Variants in FRMD4A observed in about 807,000 individuals in gnomAD.
FRMD4A encodes the protein FERM domain-containing protein 4A.
Under a neutral mutation model 129.1 loss-of-function variants are expected in FRMD4A, and 29 were observed. That is an observed-to-expected ratio of 0.22 (90% CI 0.17 to 0.31). FRMD4A has a LOEUF of 0.31. FRMD4A is among the 10% of genes least tolerant of loss of function. The pLI is 1.00. For missense variants in FRMD4A, 1,272 were observed against 1,375.8 expected, an observed-to-expected ratio of 0.92 and a Z score of 1.19; for synonymous variants, 634 against 571.6, an observed-to-expected ratio of 1.11 and a Z score of -1.56.
At chr10:13,685,659 C>A (rs754975860) in intron 15 of FRMD4A, 20 of 983,868 alleles carry the variant, frequency 2.0e-5, no homozygotes, top group Non-Finnish European at 2.3e-5. Context: ...ATAGTTATAT[C>A]TCTTTTTAGT....
At chr10:13,978,682 T>C (rs1016178761) in intron 2 of FRMD4A, among the ~76,000 whole-genome samples, 6 of 152,216 alleles carry the variant, frequency 3.9e-5, no homozygotes, top group South Asian at 2.1e-4. Context: ...AGAGTCATCA[T>C]GGCATCATCG....
intron 2 of FRMD4A, among the ~76,000 whole-genome samples, chr10:13,942,797 G>C (rs1444100866): frequency 6.6e-6 from 1 of 152,126 alleles, no homozygotes; most frequent in African/African-American, 2.4e-5. Context: ...GCTGGGCGTG[G>C]TGGCGCGCGT....
At chr10:14,197,467 T>A (rs1249898416) in intron 2 of FRMD4A, among the ~76,000 whole-genome samples, 1 of 152,126 alleles carries the variant, frequency 6.6e-6, no homozygotes, top group East Asian at 1.9e-4. Context: ...TTCAAGCAAT[T>A]CTCCTGCCTC....
intron 2 of FRMD4A, among the ~76,000 whole-genome samples, chr10:13,999,289 A>C (rs1447707854): frequency 6.6e-6 from 1 of 152,166 alleles, no homozygotes; most frequent in Non-Finnish European, 1.5e-5. Flanking sequence ...AATTCACGAA[A>C]GCGCAGACTT....
intron 3 of FRMD4A, among the ~76,000 whole-genome samples, chr10:13,817,908 G>A (rs2093570365): frequency 6.6e-6 from 1 of 152,142 alleles, no homozygotes; most frequent in Admixed American, 6.5e-5. Flanking sequence ...GTAGCACCCA[G>A]GCACCTCACC....
At position 13,880,979 on chromosome 10, in the gene FRMD4A, T is replaced by C. The variant is rs536469381; in HGVS notation, c.46-22067A>G. 5.6e-4 allele frequency among the ~76,000 whole-genome samples: 85 copies of C among 152,200 alleles called. 1 individual carries two copies. Among genetic ancestry groups the C allele is most frequent in the Admixed American group, 1.8e-3 (27 of 15,294 alleles). On this transcript the variant is annotated intron_variant, in intron 2 of 24. Coordinates refer to ENST00000357447, the MANE Select transcript of FRMD4A (RefSeq NM_018027.5). ...TGGTTGGTTTTTCTCACTGCCACAT[T>C]CCTGGAATGTTCAAGGCATACCAAT...
chr10:13,853,523 C>T lies in FRMD4A; in HGVS notation c.111+5324G>A, dbSNP rs193231474. ...ACTGCACCACAGCTGGTTGATAGAG[C>T]GAGACCCTGCCTGAAAAAAAAGTGG... On this transcript the variant is annotated intron_variant, in intron 3 of 24. Transcript: ENST00000357447. Among the ~76,000 whole-genome samples the T allele has an allele frequency of 1.3e-4, 19 of 151,842 alleles. No individual in the cohort carries two copies. In the East Asian group the frequency reaches 3.5e-3, roughly 28 times the overall value.
intron 2 of FRMD4A, among the ~76,000 whole-genome samples, chr10:13,954,702 C>T (rs2095397788): frequency 6.6e-6 from 1 of 152,194 alleles, no homozygotes; most frequent in Admixed American, 6.5e-5. Context: ...TGCTCTGTGG[C>T]TGGCAGCCTG....
intron 2 of FRMD4A, among the ~76,000 whole-genome samples, chr10:14,195,850 GTC>G (rs948367421): frequency 1.3e-5 from 2 of 152,188 alleles, no homozygotes; most frequent in African/African-American, 4.8e-5. Flanking sequence ...CCTGTTGTAT[GTC>G]CTGTCACAGT....
intron 2 of FRMD4A, among the ~76,000 whole-genome samples, chr10:13,928,233 G>T (rs933896119): frequency 2.7e-4 from 41 of 151,848 alleles, no homozygotes; most frequent in African/African-American, 9.9e-4. Context: ...CGTTGCCTAG[G>T]CTCGTCTCCA....
At chr10:14,133,381 A>T (rs936011732) in intron 2 of FRMD4A, among the ~76,000 whole-genome samples, 9 of 152,248 alleles carry the variant, frequency 5.9e-5, no homozygotes, top group African/African-American at 9.6e-5. Flanking sequence ...TTACTTTTAC[A>T]CCAACCTAAT....
chr10:14,058,159 T>C (rs1299450086), intron 2 of FRMD4A, among the ~76,000 whole-genome samples: 3 of 152,132 alleles, frequency 2.0e-5, no homozygotes, highest in Non-Finnish European at 4.4e-5. Flanking sequence ...AAGGAGGTGA[T>C]AGTCCCCAAA....
chr10:14,106,403 C>A (rs535626959), intron 2 of FRMD4A, among the ~76,000 whole-genome samples: 1 of 152,250 alleles, frequency 6.6e-6, no homozygotes, highest in South Asian at 2.1e-4. Flanking sequence ...GTATCTAGAT[C>A]CATCACTGGT....
At chr10:14,087,782 C>A (rs1362592091) in intron 2 of FRMD4A, among the ~76,000 whole-genome samples, 1 of 149,944 alleles carries the variant, frequency 6.7e-6, no homozygotes. Flanking sequence ...ATTTCAACAG[C>A]CTGTCGGCAG....
chr10:14,311,140 CGCCA>C (rs1564456779), intron 2 of FRMD4A, among the ~76,000 whole-genome samples: 1 of 152,114 alleles, frequency 6.6e-6, no homozygotes, highest in African/African-American at 2.4e-5. Flanking sequence ...GCCACCAGTG[CGCCA>C]GCAACAGAGC....
At chr10:14,094,248 A>G (rs975739287) in intron 2 of FRMD4A, among the ~76,000 whole-genome samples, 10 of 152,198 alleles carry the variant, frequency 6.6e-5, no homozygotes, top group Non-Finnish European at 1.3e-4. Context: ...CGCGTTGCCC[A>G]TCCTGGGCAG....
intron 2 of FRMD4A, among the ~76,000 whole-genome samples, chr10:13,882,825 A>G (rs2094562810): frequency 7.2e-6 from 1 of 138,562 alleles, no homozygotes; most frequent in African/African-American, 2.7e-5. Flanking sequence ...TTTTTTTTTG[A>G]GACACACTCG....
At chr10:13,693,528 C>T (rs2085920007) in intron 15 of FRMD4A, 1 of 1,182,216 alleles carries the variant, frequency 8.5e-7, no homozygotes, top group African/African-American at 1.6e-5. Context: ...CTGAAATTCA[C>T]AACACACAAG....
At chr10:13,993,513 G>A (rs1206096418) in intron 2 of FRMD4A, among the ~76,000 whole-genome samples, 1 of 152,198 alleles carries the variant, frequency 6.6e-6, no homozygotes, top group Non-Finnish European at 1.5e-5. Flanking sequence ...CTGCTGGTCT[G>A]CAAATTTGAG....
Sources: gnomAD v4.1 joint callset for allele counts (sites outside exome capture counted in the v4.1 genomes callset) on GRCh38, gnomAD v4.1.1 for gene constraint, MANE v1.5 for transcripts, NCBI Gene and HGNC (gene_info 2026-07-23, HGNC 2026-07-21) for gene names.